Variants in NFRKB observed in about 807,000 individuals in gnomAD.
NFRKB encodes nuclear factor related to kappaB binding protein.
Under a neutral mutation model 135.7 loss-of-function variants are expected in NFRKB, and 62 were observed. The observed-to-expected ratio is 0.46, with a 90% CI of 0.37 to 0.56. NFRKB has a LOEUF of 0.56. NFRKB is among the 20% of genes least tolerant of loss of function. The probability of loss-of-function intolerance (pLI) is 0.00; values close to 1 mark genes in which losing one functional copy is unlikely to be tolerated. For synonymous variants in NFRKB, 678 were observed against 635.6 expected (o/e 1.07, Z -1.00); for missense variants, 1,545 against 1,662.0 (o/e 0.93, Z 1.22).
At chr11:129,879,537 T>C (rs996771020) in intron 13 of NFRKB, among the ~76,000 whole-genome samples, 2 of 152,172 alleles carry the variant, frequency 1.3e-5, no homozygotes, top group Non-Finnish European at 2.9e-5. Context: ...ATCTTTAGTC[T>C]TTATCTTACT....
rs562822649 is a variant in NFRKB, at chr11:129,882,354, A to G, written c.1082+97T>C. 4.2e-6 allele frequency: 6 copies of G among 1,444,254 alleles called. No homozygotes were observed. In the South Asian group the frequency reaches 7.9e-5, roughly 19 times the overall value. 89.5% of individuals were successfully genotyped at this position (1,444,254 alleles called of 1,614,324 possible). A position where few individuals can be genotyped will look rare whatever the true frequency, so the allele number is the denominator to read the frequency against. Reference sequence around the variant, plus strand: ...CCTGGGACTTCAGGTCTACAAGTCCAACATACTTACAGCTACGACAAGCCC... The same window carrying G: ...CCTGGGACTTCAGGTCTACAAGTCCGACATACTTACAGCTACGACAAGCCC... On this transcript the variant is annotated intron_variant, in intron 10 of 26. Transcript: ENST00000682444.
Position 129,874,416 on chromosome 11 carries a change from C to T in NFRKB, c.2059-83G>A, listed in dbSNP as rs759999056. 3.0e-4 allele frequency: 472 copies of T among 1,548,650 alleles called. No individual in the cohort carries two copies. Among genetic ancestry groups the T allele is most frequent in the Non-Finnish European group, 3.9e-4 (448 of 1,149,026 alleles). On this transcript the variant is annotated intron_variant, in intron 20 of 26. Coordinates refer to ENST00000682444, the MANE Select transcript of NFRKB (RefSeq NM_001143835.2). The surrounding 1 kb of genome is among the most constrained non-coding windows in gnomAD (Gnocchi z 4.5). ...GGACACCCCTACAGCTCCTGATGCCCCACACCAAGTGAAAGCCGAGCAGCC... is the reference window on the plus strand; with the variant it reads ...GGACACCCCTACAGCTCCTGATGCCTCACACCAAGTGAAAGCCGAGCAGCC...
At chr11:129,882,043 T>C in intron 11 of NFRKB, 43 bp downstream of exon 11, 1 of 1,539,428 alleles carries the variant, frequency 6.5e-7, no homozygotes, top group South Asian at 1.2e-5. Context: ...ATTTGAACAC[T>C]TTGAAAACTC....
At chr11:129,872,822 G>C (rs1948577635) in intron 23 of NFRKB, 62 bp downstream of exon 23, 4 of 1,496,824 alleles carry the variant, frequency 2.7e-6, no homozygotes, top group Non-Finnish European at 2.7e-6. Flanking sequence ...AGAACCTCCA[G>C]CTCCAGTGGT....
Position 129,869,882 on chromosome 11 carries a change from A to G in NFRKB, c.3143T>C (p.Leu1048Pro). The G allele has an allele frequency of 6.2e-7, 1 of 1,614,244 alleles. No individual in the cohort carries two copies. Among genetic ancestry groups the G allele is most frequent in the South Asian group, 1.1e-5 (1 of 91,088 alleles). The change falls in exon 24 of 27, where the codon CTC (leucine) becomes CCC (proline). Residue 1048 changes from leucine to proline, a missense_variant. Physicochemically the swap from Leu to Pro is moderately conservative, Grantham distance 98. Transcript: ENST00000682444. Reference protein sequence around the residue: ...GTTVVKVTPDLKPTEASSSAF... With the variant: ...GTTVVKVTPDPKPTEASSSAF... The stretch of plus-strand genomic sequence containing the variant: ...CGAACTTGAGGCTTCTGTTGGCTTG[A>G]GGTCAGGAGTCACTTTGACCACAGT...
At chr11:129,893,120 T>C (rs920384492) in intron 2 of NFRKB, 10 of 1,353,412 alleles carry the variant, frequency 7.4e-6, no homozygotes, top group Admixed American at 3.1e-5. Context: ...ATAAATTTCA[T>C]ATGCCTTCAT....
Position 129,869,474 on chromosome 11 carries a change from C to G in NFRKB, c.3531+20G>C. 6.3e-7 allele frequency: 1 copy of G among 1,586,314 alleles called. No individual in the cohort carries two copies. The highest frequency in any genetic ancestry group is 1.1e-5 in the South Asian group (1 of 88,086). On this transcript the variant is annotated intron_variant, in intron 24 of 26. Coordinates refer to ENST00000682444, the MANE Select transcript of NFRKB (RefSeq NM_001143835.2). ...AGTTTTCTAAAAAAGAAGGCCTAAGCTTTACCACTAGTTACTCACAGCCTG... is the reference window on the plus strand; with the variant it reads ...AGTTTTCTAAAAAAGAAGGCCTAAGGTTTACCACTAGTTACTCACAGCCTG...
chr11:129,873,632 G>T, intron 22 of NFRKB, 113 bp downstream of exon 22: 1 of 1,389,668 alleles, frequency 7.2e-7, no homozygotes, highest in Non-Finnish European at 9.9e-7. Flanking sequence ...GTCATCACCA[G>T]TAGCAATAAT....
intron 24 of NFRKB, among the ~76,000 whole-genome samples, chr11:129,868,220 T>C (rs1591473642): frequency 6.6e-6 from 1 of 152,162 alleles, no homozygotes; most frequent in Admixed American, 6.5e-5. Flanking sequence ...CATCCACAGA[T>C]TCCGTATCTT....
chr11:129,868,117 A>G (rs1381021388), intron 24 of NFRKB, among the ~76,000 whole-genome samples: 1 of 152,168 alleles, frequency 6.6e-6, no homozygotes, highest in Non-Finnish European at 1.5e-5. Flanking sequence ...AATTAGATAC[A>G]ATTATAAAGA....
In NFRKB at chr11:129,865,165, G is replaced by C; in HGVS notation, c.3639-64C>G. On this transcript the variant is annotated intron_variant, in intron 25 of 26. Transcript: ENST00000682444. The stretch of plus-strand genomic sequence containing the variant: ...ACAGGTATTCTCTGGCCCAGATTTA[G>C]GCCATGTATTGAAGGACAACAGGGA... 3 of 1,566,416 alleles carry C rather than the reference G, an allele frequency of 1.9e-6. No individual in the cohort carries two copies. The South Asian group carries it at 3.5e-5, about 18-fold the overall frequency.
intron 23 of NFRKB, among the ~76,000 whole-genome samples, chr11:129,871,832 C>T (rs560558640): frequency 6.6e-6 from 1 of 152,290 alleles, no homozygotes; most frequent in African/African-American, 2.4e-5. Flanking sequence ...CCTTGCTCAC[C>T]ATCTTCCAGT....
rs565830286 is a variant in NFRKB, at chr11:129,883,188, T to A, written c.835A>T (p.Thr279Ser). The A allele has an allele frequency of 6.2e-7, 1 of 1,614,080 alleles. No individual in the cohort carries two copies. The highest frequency in any genetic ancestry group is 2.2e-5 in the East Asian group (1 of 44,874). Residue 279 changes from threonine to serine, a missense_variant, in exon 9 of 27, where the codon ACA becomes TCA. By Grantham distance (58) the Thr-to-Ser change is moderately conservative (BLOSUM62 1). Around this residue, in one of 3 missense-constraint regions of NFRKB, gnomAD observed 678 missense variants for 646.7 expected, o/e 1.05. Coordinates refer to ENST00000682444, the MANE Select transcript of NFRKB (RefSeq NM_001143835.2). ...ATGTCATTGAGAGTCAGGTCCCCTG[T>A]CAAAAGGTCCGGGTGATCCTAGATG... ...KHQPDHPDLL[T>S]GDLTLNDIMT...
rs1257433213 is a variant in NFRKB, at chr11:129,863,706, C to T, written c.*1019G>A. ...TTTAGGCTTCAGGGCCATCCAGTCT[C>T]TATGTCAACTACTCAATTCTGCCTT... On this transcript the variant is annotated 3_prime_UTR_variant, in exon 27 of 27. Transcript: ENST00000682444. 6.6e-6 allele frequency: 1 copy of T among 152,488 alleles called. No individual in the cohort carries two copies. Among genetic ancestry groups the T allele is most frequent in the Non-Finnish European group, 1.5e-5 (1 of 68,212 alleles). The allele number at this position is 152,488 out of a possible 1,614,324, so 9.4% of individuals were successfully genotyped here. A position where few individuals can be genotyped will look rare whatever the true frequency, so the allele number is the denominator to read the frequency against.
chr11:129,874,960 A>ATT lies in NFRKB; in HGVS notation c.1855-45_1855-44insAA, dbSNP rs1948691538. ...GAAATAAGAAACAAGTCAAGCTTAG[A>ATT]TAACAGAAGTTATTTGAACTCTAGG... On this transcript the variant is annotated intron_variant, in intron 18 of 26. Coordinates refer to ENST00000682444, the MANE Select transcript of NFRKB (RefSeq NM_001143835.2). This position sits in a 1 kb window ranked among gnomAD's most constrained non-coding sequence, Gnocchi z 4.5. The ATT allele has an allele frequency of 1.2e-6, 2 of 1,610,460 alleles. No homozygotes were observed. The highest frequency in any genetic ancestry group is 3.3e-5 in the Admixed American group (2 of 59,876).
chr11:129,870,029 C>G lies in NFRKB; in HGVS notation c.2996G>C (p.Gly999Ala). Residue 999 changes from glycine to alanine, a missense_variant, in exon 24 of 27, where the codon GGC (glycine) becomes GCC (alanine). By Grantham distance (60) the Gly-to-Ala change is moderately conservative. Coordinates refer to ENST00000682444, the MANE Select transcript of NFRKB (RefSeq NM_001143835.2). ...AGAGATGCCTTTGCCTGTAGTGTTGCCTCCTGTCCCGAAGAGGTCCTGGGT... is the reference window on the plus strand; with the variant it reads ...AGAGATGCCTTTGCCTGTAGTGTTGGCTCCTGTCCCGAAGAGGTCCTGGGT... ...KLTQDLFGTGGNTTGKGISAT... is the reference protein window; with the variant it reads ...KLTQDLFGTGANTTGKGISAT... 1 of 1,614,254 alleles carries G rather than the reference C, an allele frequency of 6.2e-7. No homozygotes were observed.
In NFRKB at chr11:129,871,831, C is replaced by T. The variant is rs143166325; in HGVS notation, c.2763+1053G>A. Among the ~76,000 whole-genome samples the T allele has an allele frequency of 1.4e-4, 21 of 152,314 alleles. No homozygotes were observed. The East Asian group carries it at 2.3e-3, about 17-fold the overall frequency. Reference sequence around the variant, plus strand: ...AACCAGATCAAGTCACCCTTGCTCACCATCTTCCAGTGGTTCCCCCTCACA... The same window carrying T: ...AACCAGATCAAGTCACCCTTGCTCATCATCTTCCAGTGGTTCCCCCTCACA... On this transcript the variant is annotated intron_variant, in intron 23 of 26. Coordinates refer to ENST00000682444, the MANE Select transcript of NFRKB (RefSeq NM_001143835.2).
In NFRKB at chr11:129,878,478, G is replaced by A; in HGVS notation, c.1450C>T (p.Gln484Ter). Residue 484 changes from glutamine (Q) to a stop codon, truncating the protein, a stop_gained, in exon 14 of 27, where the codon CAG (glutamine) becomes TAG (stop). Coordinates refer to ENST00000682444, the MANE Select transcript of NFRKB (RefSeq NM_001143835.2). LOFTEE classifies it high-confidence loss of function. Reference protein sequence around the residue: ...LFQLWLETKDQAFCKQENEDS... With the variant: ...LFQLWLETKD ...AAAAAACATACCTTACAGAAGGCCT[G>A]ATCTTTGGTCTCTAGCCATAGCTGG... 2.5e-6 allele frequency: 4 copies of A among 1,614,132 alleles called. No individual in the cohort carries two copies. Among genetic ancestry groups the A allele is most frequent in the Non-Finnish European group, 3.4e-6 (4 of 1,179,966 alleles).
At chr11:129,894,858 GACTATCA>G (rs1332441760) in intron 1 of NFRKB, among the ~76,000 whole-genome samples, 1 of 152,238 alleles carries the variant, frequency 6.6e-6, no homozygotes, top group East Asian at 1.9e-4. Context: ...GCATAGAACA[GACTATCA>G]ACTGCAAAGT....
Sources: allele counts gnomAD v4.1 joint callset (sites outside exome capture counted in the v4.1 genomes callset), GRCh38; gene constraint gnomAD v4.1.1; regional missense constraint gnomAD v4.1.1; non-coding constraint Gnocchi (gnomAD v3.1); transcripts MANE v1.5; gene names NCBI Gene and HGNC (gene_info 2026-07-23, HGNC 2026-07-21).